Variants in LINC02747 observed in about 807,000 individuals in gnomAD.
The protein encoded by LINC02747 is CCND1-upstream intergenic DNA repair 2.
At chr11:69,480,966 C>G (rs538886135) in intron 1 of LINC02747, among the ~76,000 whole-genome samples, 1 of 152,196 alleles carries the variant, frequency 6.6e-6, no homozygotes, top group African/African-American at 2.4e-5. Context: ...AGGGACAGAG[C>G]CAGGCCTGAG....
chr11:69,478,018 C>T (rs982039185), intron 1 of LINC02747, among the ~76,000 whole-genome samples: 1 of 152,176 alleles, frequency 6.6e-6, no homozygotes, highest in East Asian at 1.9e-4. Flanking sequence ...CTGTCTGCTT[C>T]GTGCCAGGCA....
At chr11:69,481,014 C>G (rs1324385379) in intron 1 of LINC02747, among the ~76,000 whole-genome samples, 1 of 152,196 alleles carries the variant, frequency 6.6e-6, no homozygotes, top group African/African-American at 2.4e-5. Flanking sequence ...AGGTGCCAGG[C>G]ACCTACAGTG....
At chr11:69,481,423 C>T (rs1404971043) in intron 1 of LINC02747, 1 of 152,544 alleles carries the variant, frequency 6.6e-6, no homozygotes, top group Non-Finnish European at 1.5e-5. Flanking sequence ...ACCTCCCACT[C>T]ACCCCCTCGA....
chr11:69,480,604 AC>A (rs1857039642), intron 1 of LINC02747, among the ~76,000 whole-genome samples: 1 of 152,076 alleles, frequency 6.6e-6, no homozygotes, highest in African/African-American at 2.4e-5. Context: ...GCACTCCTCA[AC>A]CCTCTTCTCT....
At chr11:69,480,780 T>C (rs910694588) in intron 1 of LINC02747, among the ~76,000 whole-genome samples, 10 of 152,200 alleles carry the variant, frequency 6.6e-5, no homozygotes, top group African/African-American at 2.4e-4. Context: ...GCAGGGTCCC[T>C]GCTGACCTCA....
At chr11:69,479,478 A>G (rs1049539586) in intron 1 of LINC02747, among the ~76,000 whole-genome samples, 35 of 152,046 alleles carry the variant, frequency 2.3e-4, no homozygotes, top group African/African-American at 8.5e-4. Flanking sequence ...TATTCTCATG[A>G]GCAGAAAAAC....
At chr11:69,477,045 G>A (rs1857002774) in exon 2 of LINC02747, 1 of 152,278 alleles carries the variant, frequency 6.6e-6, no homozygotes, top group Non-Finnish European at 1.5e-5. Context: ...GGGACTGAGT[G>A]AGCATTCTTA....
chr11:69,477,864 G>A (rs929745624), intron 1 of LINC02747, among the ~76,000 whole-genome samples: 2 of 152,178 alleles, frequency 1.3e-5, no homozygotes, highest in Non-Finnish European at 2.9e-5. Flanking sequence ...CCCTGTGCAA[G>A]ACGAAAATGC....
intron 1 of LINC02747, among the ~76,000 whole-genome samples, chr11:69,478,710 C>G (rs1271868537): frequency 6.6e-6 from 1 of 152,022 alleles, no homozygotes; most frequent in Non-Finnish European, 1.5e-5. Flanking sequence ...TGGTGAGCAC[C>G]TGTAATTCCA....
At chr11:69,481,224 A>G (rs940760476) in intron 1 of LINC02747, among the ~76,000 whole-genome samples, 4 of 152,156 alleles carry the variant, frequency 2.6e-5, no homozygotes, top group Admixed American at 6.5e-5. Flanking sequence ...AGCGGTCCAC[A>G]CATCAGAGTC....
intron 1 of LINC02747, among the ~76,000 whole-genome samples, chr11:69,478,562 G>C (rs1426532803): frequency 6.6e-6 from 1 of 152,230 alleles, no homozygotes; most frequent in Non-Finnish European, 1.5e-5. Flanking sequence ...TAGCAATTAG[G>C]CTGGGCGAGG....
intron 1 of LINC02747, chr11:69,480,060 G>A (rs1032853458): frequency 6.6e-6 from 1 of 152,348 alleles, no homozygotes; most frequent in African/African-American, 2.4e-5. Flanking sequence ...GGACAGTGGG[G>A]CGAGGCCTGG....
intron 1 of LINC02747, among the ~76,000 whole-genome samples, chr11:69,478,349 C>T (rs941839968): frequency 3.3e-5 from 5 of 152,036 alleles, no homozygotes; most frequent in African/African-American, 1.2e-4. Context: ...TCGGAGTCCC[C>T]ACCCCTGGGG....
chr11:69,479,003 C>T (rs1163460658), intron 1 of LINC02747, among the ~76,000 whole-genome samples: 1 of 152,004 alleles, frequency 6.6e-6, no homozygotes, highest in Non-Finnish European at 1.5e-5. Context: ...GCCTGTAATC[C>T]CAGCACTTTG....
chr11:69,476,188 A>G (rs1166441472), exon 2 of LINC02747: 2 of 152,190 alleles, frequency 1.3e-5, no homozygotes, highest in Non-Finnish European at 2.9e-5. Context: ...TAGGCGCTCA[A>G]ATGGTGCAAC....
At chr11:69,478,447 C>A (rs1280714291) in intron 1 of LINC02747, among the ~76,000 whole-genome samples, 1 of 152,226 alleles carries the variant, frequency 6.6e-6, no homozygotes, top group African/African-American at 2.4e-5. Flanking sequence ...TGACCGCCTG[C>A]TCCTGTCTTT....
chr11:69,479,416 C>T (rs919793686), intron 1 of LINC02747, among the ~76,000 whole-genome samples: 3 of 152,140 alleles, frequency 2.0e-5, no homozygotes, highest in Admixed American at 6.5e-5. Flanking sequence ...AGGTTGCCTG[C>T]GGTGCCCTAA....
intron 1 of LINC02747, among the ~76,000 whole-genome samples, chr11:69,479,286 G>A (rs1339594555): frequency 6.7e-6 from 1 of 149,824 alleles, no homozygotes; most frequent in Non-Finnish European, 1.5e-5. Context: ...AAGAGAGAGA[G>A]AGAGAGGAGA....
In LINC02747 at chr11:69,477,514, T is replaced by C. The variant is rs118149664; in HGVS notation, n.220A>G. 50 of 152,356 alleles carry C rather than the reference T, an allele frequency of 3.3e-4. No homozygotes were observed. In the East Asian group the frequency reaches 5.4e-3, roughly 16 times the overall value. 9.4% of individuals were successfully genotyped at this position (152,356 alleles called of 1,614,324 possible). A position where few individuals can be genotyped will look rare whatever the true frequency, so the allele number is the denominator to read the frequency against. On this transcript the variant is annotated non_coding_transcript_exon_variant, in exon 2 of 2. Coordinates refer to ENST00000645449, the Ensembl canonical transcript of LINC02747. ...TGTGAGCTTTGCAACAGATCATTTT[T>C]TCGGGTTGAGTTCAATGGCAGCACG...
Sources: gnomAD v4.1 joint callset for allele counts (sites outside exome capture counted in the v4.1 genomes callset) on GRCh38, gnomAD v4.1.1 for gene constraint, MANE v1.5 for transcripts, NCBI Gene and HGNC (gene_info 2026-07-23, HGNC 2026-07-21) for gene names.